The following ITGAE variants were observed in gnomAD, a reference collection of about 807,000 sequenced individuals.
ITGAE encodes integrin alpha-E.
Under a neutral mutation model 136.5 loss-of-function variants are expected in ITGAE, and 99 were observed. That is an observed-to-expected ratio of 0.73 (90% CI 0.62 to 0.86). ITGAE has a LOEUF of 0.86. ITGAE is among the 40% of genes least tolerant of loss of function. The pLI, the probability that ITGAE is intolerant of heterozygous loss-of-function variation, is 0.00. For synonymous variants in ITGAE, 613 were observed against 591.8 expected, an observed-to-expected ratio of 1.04 and a Z score of -0.52; for missense variants, 1,447 against 1,515.3, an observed-to-expected ratio of 0.95 and a Z score of 0.75.
intron 2 of ITGAE, among the ~76,000 whole-genome samples, chr17:3,776,483 C>T (rs1185703150): frequency 2.0e-5 from 3 of 152,252 alleles, no homozygotes; most frequent in African/African-American, 7.2e-5. Context: ...GCACCTTGCT[C>T]AGGCTATGCG....
intron 1 of ITGAE, among the ~76,000 whole-genome samples, chr17:3,793,455 T>A (rs1167527091): frequency 6.6e-6 from 1 of 152,202 alleles, no homozygotes; most frequent in East Asian, 1.9e-4. Flanking sequence ...TTCAAGTGAT[T>A]CTCCTGTCTC....
chr17:3,739,192 C>T (rs956963945), intron 20 of ITGAE, among the ~76,000 whole-genome samples: 1 of 152,150 alleles, frequency 6.6e-6, no homozygotes, highest in African/African-American at 2.4e-5. Flanking sequence ...AAAGTGTCAC[C>T]CTCCGTGACC....
intron 28 of ITGAE, among the ~76,000 whole-genome samples, chr17:3,722,689 G>A (rs2051081659): frequency 5.3e-5 from 8 of 152,178 alleles, no homozygotes; most frequent in Admixed American, 5.2e-4. Flanking sequence ...GCGAGTACTA[G>A]GAGATGAAGT....
In ITGAE at chr17:3,721,260, C is replaced by CTTTTT. The variant is rs869087347; in HGVS notation, c.3238-863_3238-859dup. Among the ~76,000 whole-genome samples the CTTTTT allele has an allele frequency of 3.5e-4, 16 of 46,220 alleles. 1 individual carries two copies. Among genetic ancestry groups the CTTTTT allele is most frequent in the Admixed American group, 5.8e-4 (2 of 3,464 alleles). The allele number at this position is 46,220 out of a possible 152,430, so 30.3% of individuals were successfully genotyped here. On this transcript the variant is annotated intron_variant, in intron 28 of 30. Transcript: ENST00000263087. ...TTTTATTTAACGTAAGAGATTTTTC[C>CTTTTT]TTTTTTTTTTTTTTTTTTTTTTTTT...
At chr17:3,795,064 C>CAGG (rs2053032659) in intron 1 of ITGAE, among the ~76,000 whole-genome samples, 4 of 152,188 alleles carry the variant, frequency 2.6e-5, no homozygotes, top group Non-Finnish European at 5.9e-5. Flanking sequence ...CCTGCTCAGC[C>CAGG]AGCCAGGAGC....
At chr17:3,727,314 C>CAT (rs2051236294) in intron 26 of ITGAE, among the ~76,000 whole-genome samples, 1 of 152,046 alleles carries the variant, frequency 6.6e-6, no homozygotes, top group African/African-American at 2.4e-5. Flanking sequence ...TAAGAAATGT[C>CAT]ACATGTTACA....
intron 1 of ITGAE, among the ~76,000 whole-genome samples, chr17:3,792,864 TTCAAA>T (rs1158280691): frequency 6.6e-6 from 1 of 152,208 alleles, no homozygotes; most frequent in Non-Finnish European, 1.5e-5. Context: ...AGTCTGGTTA[TTCAAA>T]TCAGAGAAAA....
At position 3,760,168 on chromosome 17, in the gene ITGAE, C is replaced by G; in HGVS notation, c.714+4G>C. 1 of 1,573,168 alleles carries G rather than the reference C, an allele frequency of 6.4e-7. No homozygotes were observed. On this transcript the variant is annotated splice_donor_region_variant and intron_variant, in intron 7 of 30. Coordinates refer to ENST00000263087, the MANE Select transcript of ITGAE (RefSeq NM_002208.5). The stretch of plus-strand genomic sequence containing the variant: ...AGTGTTAACCAGCTCTTAGGGAAGC[C>G]CACCTCAAAACACTTTTCATAGAAG...
intron 2 of ITGAE, among the ~76,000 whole-genome samples, chr17:3,773,847 C>T (rs995152837): frequency 6.6e-6 from 1 of 152,108 alleles, no homozygotes; most frequent in African/African-American, 2.4e-5. Context: ...TGCCGGTCCC[C>T]CGTCAACTCA....
Position 3,778,288 on chromosome 17 carries a change from G to A in ITGAE, c.35-628C>T, listed in dbSNP as rs1257772298. Among the ~76,000 whole-genome samples the A allele has an allele frequency of 5.1e-4, 77 of 152,062 alleles. 2 individuals are homozygous for A. The highest frequency in any genetic ancestry group is 4.5e-3 in the Admixed American group (69 of 15,238). The stretch of plus-strand genomic sequence containing the variant: ...CCAAAAATCATTATGCTGGCCGCGC[G>A]CCAGTGGCTCATGCCTGTAATCCCA... On this transcript the variant is annotated intron_variant, in intron 1 of 30. Coordinates refer to ENST00000263087, the MANE Select transcript of ITGAE (RefSeq NM_002208.5).
At chr17:3,773,233 T>G (rs1459766259) in intron 2 of ITGAE, among the ~76,000 whole-genome samples, 1 of 152,172 alleles carries the variant, frequency 6.6e-6, no homozygotes, top group African/African-American at 2.4e-5. Context: ...GGCTCACGCC[T>G]GTAATCCCAG....
At chr17:3,774,320 G>A (rs1177600922) in intron 2 of ITGAE, among the ~76,000 whole-genome samples, 1 of 152,144 alleles carries the variant, frequency 6.6e-6, no homozygotes, top group East Asian at 1.9e-4. Flanking sequence ...CGCTCAGTGG[G>A]AGAGTATGCA....
Position 3,780,147 on chromosome 17 carries a change from G to T in ITGAE, c.35-2487C>A, listed in dbSNP as rs112822603. ...TGCCACCATGCCCGGCTAATTTTTGGTTTTTTTGTTTGTTTGTTTATTTGT... is the reference window on the plus strand; with the variant it reads ...TGCCACCATGCCCGGCTAATTTTTGTTTTTTTTGTTTGTTTGTTTATTTGT... On this transcript the variant is annotated intron_variant, in intron 1 of 30. Coordinates refer to ENST00000263087, the MANE Select transcript of ITGAE (RefSeq NM_002208.5). 3.9e-3 allele frequency among the ~76,000 whole-genome samples: 577 copies of T among 147,462 alleles called. 2 individuals carry two copies. The highest frequency in any genetic ancestry group is 0.012 in the African/African-American group (497 of 39,930).
intron 19 of ITGAE, among the ~76,000 whole-genome samples, chr17:3,740,395 C>G (rs1420340521): frequency 6.6e-6 from 1 of 152,114 alleles, no homozygotes; most frequent in African/African-American, 2.4e-5. Context: ...TGTTTGTTTT[C>G]AGATGGAGTC....
chr17:3,783,864 A>G (rs1316492725), intron 1 of ITGAE, among the ~76,000 whole-genome samples: 1 of 152,260 alleles, frequency 6.6e-6, no homozygotes, highest in Non-Finnish European at 1.5e-5. Context: ...ACATCATTTC[A>G]AAATATAAAA....
intron 1 of ITGAE, among the ~76,000 whole-genome samples, chr17:3,800,777 TAC>T (rs942015623): frequency 2.0e-5 from 3 of 151,852 alleles, no homozygotes; most frequent in African/African-American, 7.3e-5. Flanking sequence ...GAGAACAAAC[TAC>T]AGAGTCAAGG....
chr17:3,735,258 C>G (rs1260887104), intron 20 of ITGAE, among the ~76,000 whole-genome samples: 1 of 152,216 alleles, frequency 6.6e-6, no homozygotes, highest in Non-Finnish European at 1.5e-5. Context: ...ACCTCCACCT[C>G]CCAGGTTCAA....
chr17:3,786,098 C>A lies in ITGAE; in HGVS notation c.35-8438G>T, dbSNP rs528656777. 4.9e-5 allele frequency among the ~76,000 whole-genome samples: 7 copies of A among 144,166 alleles called. No individual in the cohort carries two copies. The East Asian group carries it at 1.3e-3, about 26-fold the overall frequency. The allele number at this position is 144,166 out of a possible 152,430, so 94.6% of individuals were successfully genotyped here. On this transcript the variant is annotated intron_variant, in intron 1 of 30. Transcript: ENST00000263087. The stretch of plus-strand genomic sequence containing the variant: ...AGGAGAATGGCGTGAACCCGGGAGG[C>A]GGAGCTTGCAGTGAGCCGAGATCGC...
chr17:3,773,037 T>C (rs73318132), intron 2 of ITGAE, among the ~76,000 whole-genome samples: 30,917 of 152,070 alleles, frequency 0.2, 3,346 homozygotes, highest in African/African-American at 0.27. Flanking sequence ...ACAAGACTGC[T>C]CCTAACTTCC....
Sources: gnomAD v4.1 joint callset for allele counts (sites outside exome capture counted in the v4.1 genomes callset) on GRCh38, gnomAD v4.1.1 for gene constraint, MANE v1.5 for transcripts, NCBI Gene and HGNC (gene_info 2026-07-23, HGNC 2026-07-21) for gene names.